The following FEM1C variants were observed in gnomAD, a reference collection of about 807,000 sequenced individuals.
The protein encoded by FEM1C is fem-1 homolog C.
In FEM1C, 15 loss-of-function variants were observed where a neutral mutation model predicts 37.6. The ratio of observed to expected loss-of-function variants is 0.40; its 90% confidence interval spans 0.27 to 0.61. The LOEUF (loss-of-function observed/expected upper bound fraction) is 0.61. FEM1C is among the 20% of genes least tolerant of loss of function. The probability of loss-of-function intolerance (pLI) is 0.42; values close to 1 mark genes in which losing one functional copy is unlikely to be tolerated. For missense variants in FEM1C, 532 were observed against 749.7 expected, an observed-to-expected ratio of 0.71 and a Z score of 3.39; for synonymous variants, 287 against 272.8, an observed-to-expected ratio of 1.05 and a Z score of -0.51.
chr5:115,528,453 T>TCC (rs1753949445), intron 2 of FEM1C, among the ~76,000 whole-genome samples: 1 of 151,964 alleles, frequency 6.6e-6, no homozygotes, highest in Non-Finnish European at 1.5e-5. Flanking sequence ...ACTTAGAAAA[T>TCC]TCCCCACACT....
chr5:115,542,890 G>T, intron 2 of FEM1C, 60 bp downstream of exon 2: 1 of 1,555,166 alleles, frequency 6.4e-7, no homozygotes, highest in Non-Finnish European at 8.7e-7. Context: ...TTATAATGAT[G>T]TATCAAACTT....
intron 2 of FEM1C, among the ~76,000 whole-genome samples, chr5:115,542,395 A>G (rs1356636061): frequency 1.3e-5 from 2 of 152,150 alleles, no homozygotes; most frequent in Non-Finnish European, 2.9e-5. Context: ...TTATCTATTG[A>G]CCACAAACAA....
rs76559752 is a variant in FEM1C at position 115,522,633 on chromosome 5, T to C, written c.*1675A>G. On this transcript the variant is annotated 3_prime_UTR_variant, in exon 3 of 3. Coordinates refer to ENST00000274457, the MANE Select transcript of FEM1C (RefSeq NM_020177.3). Reference sequence around the variant, plus strand: ...GATGATGACATACCTAATGTGACTGTTTGCATTGATGACTCCTTAAATAGT... The same window carrying C: ...GATGATGACATACCTAATGTGACTGCTTGCATTGATGACTCCTTAAATAGT... The C allele has an allele frequency of 6.6e-6, 1 of 152,252 alleles. No individual in the cohort carries two copies. The highest frequency in any genetic ancestry group is 2.4e-5 in the African/African-American group (1 of 41,560). The allele number at this position is 152,252 out of a possible 1,614,324, so 9.4% of individuals were successfully genotyped here.
chr5:115,524,773 A>G lies in FEM1C; in HGVS notation c.1389T>C (p.His463=). 1 of 1,564,252 alleles carries G rather than the reference A, an allele frequency of 6.4e-7. No individual in the cohort carries two copies. The highest frequency in any genetic ancestry group is 8.6e-7 in the Non-Finnish European group (1 of 1,159,272). Reference sequence around the variant, plus strand: ...ACCTGTATATAGTCTGCTTTTTGAAATGGTCTTGTTCTAGAGTACAAGGAA... The same window carrying G: ...ACCTGTATATAGTCTGCTTTTTGAAGTGGTCTTGTTCTAGAGTACAAGGAA... ...EKVPCTLEQD[H]FKKQTIYRFL... The change falls in exon 3 of 3, where the codon CAT becomes CAC. Residue 463 remains histidine (H), a synonymous_variant. Coordinates refer to ENST00000274457, the MANE Select transcript of FEM1C (RefSeq NM_020177.3).
At chr5:115,529,523 G>A (rs970582517) in intron 2 of FEM1C, among the ~76,000 whole-genome samples, 4 of 152,062 alleles carry the variant, frequency 2.6e-5, no homozygotes, top group Admixed American at 1.3e-4. Flanking sequence ...ATTACCAGCA[G>A]ATCTAAATAC....
intron 2 of FEM1C, among the ~76,000 whole-genome samples, chr5:115,540,885 C>G (rs1178672445): frequency 2.0e-5 from 3 of 151,940 alleles, no homozygotes; most frequent in Admixed American, 2.0e-4. Context: ...TTCAACAAAC[C>G]TAAACAAGCA....
chr5:115,531,726 T>C (rs1383933129), intron 2 of FEM1C, among the ~76,000 whole-genome samples: 1 of 152,134 alleles, frequency 6.6e-6, no homozygotes, highest in Non-Finnish European at 1.5e-5. Flanking sequence ...AAAATTTGAT[T>C]TTCATGTGTC....
chr5:115,526,737 A>C (rs1753902868), intron 2 of FEM1C, among the ~76,000 whole-genome samples: 1 of 152,152 alleles, frequency 6.6e-6, no homozygotes, highest in African/African-American at 2.4e-5. Context: ...TATCCTTAGA[A>C]AGACCTTCTT....
chr5:115,539,662 T>TA (rs1355804758), intron 2 of FEM1C, among the ~76,000 whole-genome samples: 1 of 152,122 alleles, frequency 6.6e-6, no homozygotes, highest in African/African-American at 2.4e-5. Flanking sequence ...CTGTTGCACT[T>TA]ACCATACTGT....
chr5:115,524,116 T>C lies in FEM1C; in HGVS notation c.*192A>G. ...ATTTCTCAATAATTCACAAACAATA[T>C]ATTATATGGTATATTTATATTAAAT... is the stretch of plus-strand genomic sequence containing the variant. On this transcript the variant is annotated 3_prime_UTR_variant, in exon 3 of 3. Coordinates refer to ENST00000274457, the MANE Select transcript of FEM1C (RefSeq NM_020177.3). 3.8e-6 allele frequency: 2 copies of C among 527,064 alleles called. No homozygotes were observed. The highest frequency in any genetic ancestry group is 6.7e-6 in the Non-Finnish European group (2 of 300,084). The allele number at this position is 527,064 out of a possible 1,614,324, so 32.6% of individuals were successfully genotyped here. A position where few individuals can be genotyped will look rare whatever the true frequency, so the allele number is the denominator to read the frequency against.
At position 115,521,861 on chromosome 5, in the gene FEM1C, T is replaced by A. The variant is rs1753782819; in HGVS notation, c.*2447A>T. 2 of 151,830 alleles carry A rather than the reference T, an allele frequency of 1.3e-5. No individual in the cohort carries two copies. The highest frequency in any genetic ancestry group is 4.1e-4 in the South Asian group (2 of 4,838). 9.4% of individuals were successfully genotyped at this position (151,830 alleles called of 1,614,324 possible). A position where few individuals can be genotyped will look rare whatever the true frequency, so the allele number is the denominator to read the frequency against. The stretch of plus-strand genomic sequence containing the variant: ...CAATTTTCCCTAAAAGAAAATAAAA[T>A]CAGGGACAATTTTGAGCTATTAAAT... On this transcript the variant is annotated 3_prime_UTR_variant, in exon 3 of 3. Transcript: ENST00000274457.
At chr5:115,534,455 A>C (rs1282748172) in intron 2 of FEM1C, among the ~76,000 whole-genome samples, 1 of 151,942 alleles carries the variant, frequency 6.6e-6, no homozygotes, top group Non-Finnish European at 1.5e-5. Flanking sequence ...CTGGGTCCAA[A>C]CCAAACGTTT....
chr5:115,525,583 T>C lies in FEM1C; in HGVS notation c.579A>G (p.Gly193=), dbSNP rs773869893. The part of the protein sequence containing the change: ...NTALHDCAES[G]SLDIMKMLLM... ...GAAGCATCTTCATGATGTCCAAACT[T>C]CCAGATTCTGCACAATCATGCAATG... The change falls in exon 3 of 3, where the codon GGA becomes GGG. Residue 193 remains glycine (G), a synonymous_variant. Coordinates refer to ENST00000274457, the MANE Select transcript of FEM1C (RefSeq NM_020177.3). 42 of 1,613,276 alleles carry C rather than the reference T, an allele frequency of 2.6e-5. No homozygotes were observed. In the Admixed American group the frequency reaches 6.5e-4, roughly 25 times the overall value.
At chr5:115,537,310 G>A (rs180963282) in intron 2 of FEM1C, among the ~76,000 whole-genome samples, 12 of 152,068 alleles carry the variant, frequency 7.9e-5, no homozygotes, top group Admixed American at 3.3e-4. Context: ...ACCAGTGAAG[G>A]AACTACATTG....
intron 2 of FEM1C, among the ~76,000 whole-genome samples, chr5:115,526,205 T>C (rs939778385): frequency 1.3e-5 from 2 of 152,082 alleles, no homozygotes; most frequent in African/African-American, 4.8e-5. Flanking sequence ...TTGACTCTAA[T>C]AGTAGTCAGA....
chr5:115,541,539 T>G (rs1395930344), intron 2 of FEM1C, among the ~76,000 whole-genome samples: 1 of 152,184 alleles, frequency 6.6e-6, no homozygotes, highest in Non-Finnish European at 1.5e-5. Flanking sequence ...TTAGCAATTC[T>G]GAACACAGGT....
intron 2 of FEM1C, among the ~76,000 whole-genome samples, chr5:115,537,529 C>A (rs764670170): frequency 1.4e-4 from 22 of 151,974 alleles, no homozygotes; most frequent in Non-Finnish European, 1.6e-4. Flanking sequence ...CCATCTACAG[C>A]TTAGTTTATC....
chr5:115,544,291 T>A (rs1370905453), intron 1 of FEM1C, among the ~76,000 whole-genome samples: 2 of 122,236 alleles, frequency 1.6e-5, no homozygotes, highest in African/African-American at 6.4e-5. Context: ...GATCCGCAGG[T>A]TCCTCAAACC....
Position 115,523,813 on chromosome 5 carries a change from G to A in FEM1C, c.*495C>T, listed in dbSNP as rs376703006. The A allele has an allele frequency of 4.7e-4, 74 of 155,878 alleles. 3 individuals carry two copies. In the South Asian group the frequency reaches 0.014, roughly 29 times the overall value. 9.7% of individuals were successfully genotyped at this position (155,878 alleles called of 1,614,324 possible). Reference sequence around the variant, plus strand: ...AAAGCACTTATGGTAACTGCAAATGGTAACGAGTCCTTAAGGTTTGTACAA... The same window carrying A: ...AAAGCACTTATGGTAACTGCAAATGATAACGAGTCCTTAAGGTTTGTACAA... On this transcript the variant is annotated 3_prime_UTR_variant, in exon 3 of 3. Transcript: ENST00000274457.
Sources: allele counts gnomAD v4.1 joint callset (sites outside exome capture counted in the v4.1 genomes callset), GRCh38; gene constraint gnomAD v4.1.1; transcripts MANE v1.5; gene names NCBI Gene and HGNC (gene_info 2026-07-23, HGNC 2026-07-21).